TMEM131L: variants seen among roughly 807,000 people sequenced by gnomAD.
TMEM131L encodes transmembrane 131 like, also known as transmembrane protein 131-like.
In TMEM131L, 54 loss-of-function variants were observed where a neutral mutation model predicts 192.2. The ratio of observed to expected loss-of-function variants is 0.28; its 90% CI spans 0.23 to 0.35. The LOEUF (loss-of-function observed/expected upper bound fraction) is 0.35. Ranked by LOEUF, TMEM131L falls within the 10% of genes least tolerant of loss-of-function variation. The pLI, the probability that TMEM131L is intolerant of heterozygous loss-of-function variation, is 1.00. For missense variants in TMEM131L, 1,888 were observed against 1,972.9 expected (o/e 0.96, Z 0.82); for synonymous variants, 701 against 704.9 (o/e 0.99, Z 0.09).
rs994039466 is a variant in TMEM131L, at chr4:153,580,770, AGT to A, written c.661-52_661-51del. 5 of 921,008 alleles carry A rather than the reference AGT, an allele frequency of 5.4e-6. No homozygotes were observed. The African/African-American group carries it at 8.4e-5, about 15-fold the overall frequency. The allele number at this position is 921,008 out of a possible 1,614,324, so 57.1% of individuals were successfully genotyped here. On this transcript the variant is annotated intron_variant, in intron 7 of 34. Transcript: ENST00000409959. The stretch of plus-strand genomic sequence containing the variant: ...AATACTTGATAAATTGTTTATTATT[AGT>A]GTGAGATTGAGCCTTTTACTTAAAG...
chr4:153,510,914 C>A (rs377708044), intron 3 of TMEM131L, among the ~76,000 whole-genome samples: 29 of 151,684 alleles, frequency 1.9e-4, no homozygotes, highest in African/African-American at 6.8e-4. Context: ...AAGAAAAAAA[C>A]CGGAAAGATG....
rs1388750419 is a variant in TMEM131L at position 153,558,314 on chromosome 4, A to G, written c.606A>G (p.Pro202=). 3 of 1,609,606 alleles carry G rather than the reference A, an allele frequency of 1.9e-6. No homozygotes were observed. The highest frequency in any genetic ancestry group is 8.5e-7 in the Non-Finnish European group (1 of 1,176,638). ...ISTEGSAKQL[P]NAYFLLPKVQ... is the part of the protein sequence containing the mutation. ...CAGAAGGGTCTGCAAAGCAGCTACC[A>G]AATGCTTATTTTCTGCTTCCAAAGG... The change falls in exon 7 of 35, where the codon CCA becomes CCG. Residue 202 remains proline, a synonymous_variant. Coordinates refer to ENST00000409959, the MANE Select transcript of TMEM131L (RefSeq NM_001131007.2).
intron 21 of TMEM131L, among the ~76,000 whole-genome samples, chr4:153,600,136 G>A (rs1016343942): frequency 6.6e-6 from 1 of 152,046 alleles, no homozygotes; most frequent in Admixed American, 6.6e-5. Flanking sequence ...AGTCCAAGGT[G>A]GAAAGATTTC....
intron 3 of TMEM131L, among the ~76,000 whole-genome samples, chr4:153,529,839 TTAAG>T (rs772087842): frequency 1.3e-5 from 2 of 152,336 alleles, no homozygotes; most frequent in African/African-American, 4.8e-5. Context: ...ACACAGTGTA[TTAAG>T]TAAGATCTGA....
At chr4:153,633,627 C>G (rs1268246892) in intron 32 of TMEM131L, among the ~76,000 whole-genome samples, 1 of 152,108 alleles carries the variant, frequency 6.6e-6, no homozygotes, top group African/African-American at 2.4e-5. Flanking sequence ...ATATGTCATT[C>G]TATTAGGGAG....
At chr4:153,551,270 G>T (rs1378127425) in intron 4 of TMEM131L, among the ~76,000 whole-genome samples, 2 of 152,168 alleles carry the variant, frequency 1.3e-5, no homozygotes, top group Non-Finnish European at 2.9e-5. Flanking sequence ...TGGGCTCCTG[G>T]TGTGCCCTCC....
intron 18 of TMEM131L, among the ~76,000 whole-genome samples, chr4:153,593,114 C>A (rs2150857552): frequency 6.6e-6 from 1 of 152,320 alleles, no homozygotes; most frequent in Non-Finnish European, 1.5e-5. Flanking sequence ...ATGCAGAGGG[C>A]TGAATGTATA....
chr4:153,503,155 T>G (rs1733730430), intron 3 of TMEM131L, among the ~76,000 whole-genome samples: 1 of 152,252 alleles, frequency 6.6e-6, no homozygotes, highest in African/African-American at 2.4e-5. Flanking sequence ...TTTTCTCACT[T>G]AGAAACTTTC....
At chr4:153,560,170 G>A (rs1728757524) in intron 7 of TMEM131L, among the ~76,000 whole-genome samples, 1 of 151,980 alleles carries the variant, frequency 6.6e-6, no homozygotes. Flanking sequence ...ATAATCACAT[G>A]CCCACATGAT....
chr4:153,588,962 A>C lies in TMEM131L; in HGVS notation c.1625A>C (p.Lys542Thr), dbSNP rs1211126429. ...AATGTGGATTCTGAACTTGCAAATA[A>C]ATTGTATGAAAGATGGAAGAAATAT... ...TWNVDSELAN[K>T]LYERWKKYKN... The change falls in exon 16 of 35, where the codon AAA becomes ACA. Residue 542 changes from lysine (K) to threonine (T), a missense_variant. Lys to Thr is a moderately conservative substitution (Grantham distance 78, BLOSUM62 -1). Transcript: ENST00000409959. 1.9e-6 allele frequency: 3 copies of C among 1,605,182 alleles called. No homozygotes were observed. In the East Asian group the frequency reaches 6.7e-5, roughly 36 times the overall value.
intron 2 of TMEM131L, among the ~76,000 whole-genome samples, chr4:153,472,531 A>G (rs879590723): frequency 6.6e-6 from 1 of 152,184 alleles, no homozygotes; most frequent in African/African-American, 2.4e-5. Context: ...GGGATATTAC[A>G]GTAGACAAAA....
chr4:153,584,029 C>G (rs1161531072), intron 11 of TMEM131L, among the ~76,000 whole-genome samples: 1 of 152,144 alleles, frequency 6.6e-6, no homozygotes, highest in Non-Finnish European at 1.5e-5. Flanking sequence ...CTCTTTGATC[C>G]TTAATTCTAG....
chr4:153,620,126 A>G (rs1733286168), intron 26 of TMEM131L, among the ~76,000 whole-genome samples: 1 of 152,244 alleles, frequency 6.6e-6, no homozygotes, highest in South Asian at 2.1e-4. Context: ...TGGGTCTGTT[A>G]ATAGACCATG....
At chr4:153,520,689 C>T (rs1735046951) in intron 3 of TMEM131L, among the ~76,000 whole-genome samples, 1 of 152,202 alleles carries the variant, frequency 6.6e-6, no homozygotes, top group Non-Finnish European at 1.5e-5. Flanking sequence ...TCTCTGTGCC[C>T]TGTCTCTTCT....
At chr4:153,589,511 C>T (rs1262836798) in intron 16 of TMEM131L, among the ~76,000 whole-genome samples, 1 of 152,034 alleles carries the variant, frequency 6.6e-6, no homozygotes, top group Non-Finnish European at 1.5e-5. Context: ...TGGAGTGGGG[C>T]GGCTTGAACT....
intron 3 of TMEM131L, among the ~76,000 whole-genome samples, chr4:153,517,513 A>C (rs1734820694): frequency 6.6e-6 from 1 of 152,088 alleles, no homozygotes; most frequent in Admixed American, 6.5e-5. Flanking sequence ...CTCTCACATA[A>C]GTTTCAGAGC....
In TMEM131L at chr4:153,591,459, A is replaced by G. The variant is rs150745440; in HGVS notation, c.1812+265A>G. Among the ~76,000 whole-genome samples, 338 of 152,368 alleles carry G rather than the reference A, an allele frequency of 2.2e-3. 3 individuals are homozygous for G. The highest frequency in any genetic ancestry group is 7.9e-3 in the African/African-American group (327 of 41,590). Reference sequence around the variant, plus strand: ...AGAGAAAATCTTGACTAGCTTAACTAGGAGTCATTTTATAACAAGAAGCTC... The same window carrying G: ...AGAGAAAATCTTGACTAGCTTAACTGGGAGTCATTTTATAACAAGAAGCTC... On this transcript the variant is annotated intron_variant, in intron 17 of 34. Coordinates refer to ENST00000409959, the MANE Select transcript of TMEM131L (RefSeq NM_001131007.2).
intron 3 of TMEM131L, among the ~76,000 whole-genome samples, chr4:153,539,093 G>A (rs2015264): frequency 0.16 from 24,925 of 152,170 alleles, 2,250 homozygotes; most frequent in Middle Eastern, 0.22. Context: ...GAAAGAAACA[G>A]TGAGATCTTT....
At chr4:153,488,176 C>T (rs763720753) in intron 3 of TMEM131L, among the ~76,000 whole-genome samples, 1 of 150,300 alleles carries the variant, frequency 6.7e-6, no homozygotes, top group African/African-American at 2.5e-5. Flanking sequence ...AGAGAGAGAC[C>T]CTGTGGGCCT....
Sources: gnomAD v4.1 joint callset for allele counts (sites outside exome capture counted in the v4.1 genomes callset) on GRCh38, gnomAD v4.1.1 for gene constraint, MANE v1.5 for transcripts, NCBI Gene and HGNC (gene_info 2026-07-23, HGNC 2026-07-21) for gene names.